CDH9: variants seen among roughly 807,000 people sequenced by gnomAD.
CDH9 encodes the protein cadherin 9.
A neutral mutation model predicts 70.9 loss-of-function variants in CDH9; 28 were observed. That is an observed-to-expected ratio of 0.40 (90% CI 0.29 to 0.54). The LOEUF is 0.54. Ranked by LOEUF, CDH9 falls within the 20% of genes least tolerant of loss-of-function variation. The pLI, the probability that CDH9 is intolerant of heterozygous loss-of-function variation, is 0.59. For synonymous variants in CDH9, 409 were observed against 343.1 expected, an observed-to-expected ratio of 1.19 and a Z score of -2.12; for missense variants, 874 against 984.4, an observed-to-expected ratio of 0.89 and a Z score of 1.50.
chr5:26,930,350 G>A (rs1405617316), intron 2 of CDH9, among the ~76,000 whole-genome samples: 1 of 152,052 alleles, frequency 6.6e-6, no homozygotes, highest in Non-Finnish European at 1.5e-5. Context: ...CCTTGGTATA[G>A]ATGGAGGATT....
At chr5:27,019,100 G>C (rs1743093816) in intron 1 of CDH9, among the ~76,000 whole-genome samples, 1 of 151,938 alleles carries the variant, frequency 6.6e-6, no homozygotes, top group Non-Finnish European at 1.5e-5. Flanking sequence ...CCCAAAAAAA[G>C]TAGTAACAGG....
intron 2 of CDH9, among the ~76,000 whole-genome samples, chr5:26,963,265 T>C (rs1448166878): frequency 1.3e-5 from 2 of 152,124 alleles, no homozygotes; most frequent in Non-Finnish European, 2.9e-5. Context: ...AGTAAAATAA[T>C]GTACCTCCTA....
chr5:26,892,607 T>C (rs1377899913), intron 7 of CDH9, among the ~76,000 whole-genome samples: 1 of 152,224 alleles, frequency 6.6e-6, no homozygotes, highest in Non-Finnish European at 1.5e-5. Flanking sequence ...ATTGGGAAAT[T>C]ACAGCTCCCA....
intron 2 of CDH9, among the ~76,000 whole-genome samples, chr5:26,939,920 C>A (rs923413388): frequency 1.3e-5 from 2 of 152,096 alleles, no homozygotes; most frequent in South Asian, 4.2e-4. Context: ...GAGGCTGAGG[C>A]GACTGGATCA....
intron 7 of CDH9, among the ~76,000 whole-genome samples, chr5:26,897,590 A>AAGGAAAGGCCTTCAATAAACTTCAAC (rs1476061298): frequency 3.9e-5 from 6 of 152,082 alleles, no homozygotes; most frequent in African/African-American, 1.4e-4. Context: ...TCAATAGATG[A>AAGGAAAGGCCTTCAATAAACTTCAAC]AGGAAAGGCC....
intron 2 of CDH9, among the ~76,000 whole-genome samples, chr5:26,924,841 T>C (rs1297330230): frequency 8.1e-6 from 1 of 123,624 alleles, no homozygotes; most frequent in East Asian, 2.5e-4. Flanking sequence ...CCGAGAATGA[T>C]GGTTTTCAGT....
chr5:26,931,133 A>G (rs184851714), intron 2 of CDH9, among the ~76,000 whole-genome samples: 1 of 152,282 alleles, frequency 6.6e-6, no homozygotes, highest in East Asian at 1.9e-4. Context: ...TAGAAATTGG[A>G]CAGCAGAAAA....
chr5:27,022,487 A>G (rs768414661), intron 1 of CDH9, among the ~76,000 whole-genome samples: 1 of 152,110 alleles, frequency 6.6e-6, no homozygotes, highest in Non-Finnish European at 1.5e-5. Context: ...ATAGTTGCAT[A>G]AACATATATA....
chr5:26,921,499 T>C (rs915886485), intron 2 of CDH9, among the ~76,000 whole-genome samples: 2 of 152,070 alleles, frequency 1.3e-5, no homozygotes, highest in Non-Finnish European at 2.9e-5. Context: ...GGACGGGAAC[T>C]AGGTAAGGAC....
At chr5:26,992,630 A>G (rs1057334978) in intron 1 of CDH9, among the ~76,000 whole-genome samples, 7 of 152,156 alleles carry the variant, frequency 4.6e-5, no homozygotes, top group African/African-American at 1.7e-4. Context: ...ACAAATATCT[A>G]AAAATGTGGA....
intron 1 of CDH9, among the ~76,000 whole-genome samples, chr5:27,035,654 C>T (rs886702415): frequency 6.7e-6 from 1 of 149,870 alleles, no homozygotes; most frequent in Non-Finnish European, 1.5e-5. Flanking sequence ...CAAAATTACT[C>T]TATGTTAATA....
chr5:26,969,108 AT>A (rs1742175699), intron 2 of CDH9, among the ~76,000 whole-genome samples: 1 of 152,106 alleles, frequency 6.6e-6, no homozygotes, highest in Admixed American at 6.6e-5. Flanking sequence ...CAGTGAAGAA[AT>A]TTTTCATTCT....
chr5:26,939,190 A>T (rs927348759), intron 2 of CDH9, among the ~76,000 whole-genome samples: 11 of 151,722 alleles, frequency 7.3e-5, no homozygotes, highest in African/African-American at 2.4e-4. Flanking sequence ...TTTTAAACTT[A>T]ATCTATTATA....
intron 1 of CDH9, among the ~76,000 whole-genome samples, chr5:27,036,727 A>AT (rs904299237): frequency 1.2e-4 from 18 of 150,760 alleles, no homozygotes; most frequent in Non-Finnish European, 2.1e-4. Flanking sequence ...CTTATCTTAC[A>AT]TTTTTTTTCA....
chr5:26,967,031 T>G (rs56069041), intron 2 of CDH9, among the ~76,000 whole-genome samples: 61,027 of 152,020 alleles, frequency 0.4, 12,767 homozygotes, highest in Non-Finnish European at 0.44. Context: ...CTCCCAAGCT[T>G]AAGCGATCCT....
At chr5:26,982,096 A>T (rs1312027147) in intron 2 of CDH9, among the ~76,000 whole-genome samples, 2 of 151,792 alleles carry the variant, frequency 1.3e-5, no homozygotes, top group Non-Finnish European at 2.9e-5. Context: ...GGTGGATTCG[A>T]TCATCTGCAA....
intron 8 of CDH9, 57 bp downstream of exon 8, chr5:26,890,371 T>C: frequency 6.7e-7 from 1 of 1,489,906 alleles, no homozygotes; most frequent in African/African-American, 1.4e-5. Context: ...GCTGGTGCTA[T>C]TATTTTACCA....
In CDH9 at chr5:26,940,422, C is replaced by A. The variant is rs182364281; in HGVS notation, c.229-24498G>T. On this transcript the variant is annotated intron_variant, in intron 2 of 11. Transcript: ENST00000231021. ...AATAATGCAAAATTGATTAATGGTACACATTATTAAAAACTAGATATTTGA... is the reference window on the plus strand; with the variant it reads ...AATAATGCAAAATTGATTAATGGTAAACATTATTAAAAACTAGATATTTGA... 1.1e-3 allele frequency among the ~76,000 whole-genome samples: 166 copies of A among 152,130 alleles called. No individual in the cohort carries two copies. In the East Asian group the frequency reaches 0.022, roughly 20 times the overall value.
intron 3 of CDH9, among the ~76,000 whole-genome samples, chr5:26,910,556 G>A (rs761324155): frequency 4.5e-4 from 69 of 152,078 alleles, no homozygotes; most frequent in Non-Finnish European, 8.5e-4. Context: ...CTTTCCATAT[G>A]TCTGGAGTGG....
Sources: allele counts gnomAD v4.1 joint callset (sites outside exome capture counted in the v4.1 genomes callset), GRCh38; gene constraint gnomAD v4.1.1; transcripts MANE v1.5; gene names NCBI Gene and HGNC (gene_info 2026-07-23, HGNC 2026-07-21).